Variants in NBAS observed in about 807,000 individuals in gnomAD.
The protein encoded by NBAS is NBAS subunit of NRZ tethering complex.
A neutral mutation model predicts 302.5 loss-of-function variants in NBAS; 219 were observed. The ratio of observed to expected loss-of-function variants is 0.72; its 90% CI spans 0.65 to 0.81. NBAS has a LOEUF of 0.81. NBAS is among the 30% of genes least tolerant of loss of function. NBAS has a pLI of 0.00. For missense variants in NBAS, 2,932 were observed against 2,841.6 expected (o/e 1.03, Z -0.72); for synonymous variants, 1,118 against 1,021.6 (o/e 1.09, Z -1.80).
At chr2:15,308,403 A>C in intron 39 of NBAS, 50 bp from the exon 40 acceptor site, 1 of 1,593,442 alleles carries the variant, frequency 6.3e-7, no homozygotes. Context: ...AATTATGAAG[A>C]TCATTATAAA....
At chr2:15,193,350 G>C (rs1665455090) in intron 48 of NBAS, among the ~76,000 whole-genome samples, 1 of 152,110 alleles carries the variant, frequency 6.6e-6, no homozygotes, top group Non-Finnish European at 1.5e-5. Flanking sequence ...CAGCTCTTAA[G>C]AATGCAATTT....
chr2:15,424,263 T>C (rs941709690), intron 23 of NBAS, 52 bp downstream of exon 23: 1 of 1,605,024 alleles, frequency 6.2e-7, no homozygotes, highest in Admixed American at 1.7e-5. Flanking sequence ...ATCCTAAGGA[T>C]CCAAGGCAGT....
chr2:14,825,082 A>G, the NBAS span, among the ~76,000 whole-genome samples: 1 of 152,210 alleles, frequency 6.6e-6, no homozygotes, highest in Non-Finnish European at 1.5e-5. Context: ...TATATTTGGC[A>G]TCTGGAAAAG....
rs140462773 is a variant in NBAS, at chr2:15,451,994, C to T, written c.2339+9207G>A. Among the ~76,000 whole-genome samples the T allele has an allele frequency of 8.2e-3, 1,219 of 148,370 alleles. 15 individuals are homozygous for T. Among genetic ancestry groups the T allele is most frequent in the African/African-American group, 0.027 (1,107 of 40,262 alleles). On this transcript the variant is annotated intron_variant, in intron 21 of 51. Coordinates refer to ENST00000281513, the MANE Select transcript of NBAS (RefSeq NM_015909.4). ...AGTATATCATACCTTGAGAACATTA[C>T]GCTAAAAAAAAAAAAAAGTCAATAA...
At chr2:14,974,024 C>T in the NBAS span, among the ~76,000 whole-genome samples, 1 of 152,208 alleles carries the variant, frequency 6.6e-6, no homozygotes, top group Non-Finnish European at 1.5e-5. Flanking sequence ...AAGAATATTT[C>T]TCAGATTCCT....
chr2:15,394,659 C>T (rs1006504203), intron 27 of NBAS, among the ~76,000 whole-genome samples: 1 of 152,064 alleles, frequency 6.6e-6, no homozygotes, highest in Admixed American at 6.5e-5. Context: ...TAAGCCAAAT[C>T]TATACTTTCA....
At chr2:15,260,132 T>G (rs1161903162) in intron 44 of NBAS, among the ~76,000 whole-genome samples, 3 of 152,260 alleles carry the variant, frequency 2.0e-5, no homozygotes, top group Non-Finnish European at 1.5e-5. Context: ...ATATTTAAAA[T>G]GTGCTGGAAA....
chr2:15,504,060 C>T (rs763525512), intron 11 of NBAS, 85 bp downstream of exon 11: 57 of 1,052,098 alleles, frequency 5.4e-5, no homozygotes, highest in African/African-American at 4.7e-4. Context: ...ACAAAAAATT[C>T]GAGGTTCATT....
intron 29 of NBAS, among the ~76,000 whole-genome samples, chr2:15,380,239 T>A (rs1231178950): frequency 6.6e-6 from 1 of 152,208 alleles, no homozygotes; most frequent in Non-Finnish European, 1.5e-5. Flanking sequence ...TTTTTCTTTT[T>A]CCTAATTTTA....
chr2:15,352,409 C>T (rs191128957), intron 34 of NBAS, among the ~76,000 whole-genome samples: 58 of 152,106 alleles, frequency 3.8e-4, no homozygotes, highest in Non-Finnish European at 6.6e-4. Flanking sequence ...AAAAAGAGAC[C>T]GAGGCGAGTT....
chr2:14,894,352 G>A, the NBAS span, among the ~76,000 whole-genome samples: 1 of 152,040 alleles, frequency 6.6e-6, no homozygotes. Flanking sequence ...AGTACAGGGG[G>A]GCACCAAGAG....
At chr2:15,313,194 A>T (rs1420008862) in intron 38 of NBAS, among the ~76,000 whole-genome samples, 1 of 152,210 alleles carries the variant, frequency 6.6e-6, no homozygotes, top group Non-Finnish European at 1.5e-5. Context: ...CCTGTATGTC[A>T]ACCAAATCAG....
At chr2:14,924,239 T>C in the NBAS span, among the ~76,000 whole-genome samples, 14,030 of 152,242 alleles carry the variant, frequency 0.092, 678 homozygotes, top group East Asian at 0.15. Flanking sequence ...TTTCAGAAAA[T>C]GCTCAATGCA....
chr2:15,003,275 G>C, the NBAS span, among the ~76,000 whole-genome samples: 25 of 152,326 alleles, frequency 1.6e-4, no homozygotes, highest in African/African-American at 5.1e-4. Context: ...TACTCCATGT[G>C]TTTTGAATGA....
rs568398951 is a variant in NBAS, at chr2:15,548,014, T to C, written c.379+3479A>G. On this transcript the variant is annotated intron_variant, in intron 6 of 51. Coordinates refer to ENST00000281513, the MANE Select transcript of NBAS (RefSeq NM_015909.4). The stretch of plus-strand genomic sequence containing the variant: ...TAAGGAATAAAAAATATTAATGCCA[T>C]GACAGTTTTCCACAAATTTATACAT... Among the ~76,000 whole-genome samples the C allele has an allele frequency of 5.8e-3, 885 of 152,330 alleles. 1 individual carries two copies. The highest frequency in any genetic ancestry group is 8.3e-3 in the Non-Finnish European group (566 of 68,040).
the NBAS span, among the ~76,000 whole-genome samples, chr2:14,932,844 C>A: frequency 6.6e-6 from 1 of 152,178 alleles, no homozygotes; most frequent in South Asian, 2.1e-4. Context: ...AGCCTCCTTA[C>A]AATAGCTGCT....
intron 44 of NBAS, among the ~76,000 whole-genome samples, chr2:15,263,151 C>G (rs1483430139): frequency 6.6e-6 from 1 of 152,150 alleles, no homozygotes; most frequent in Non-Finnish European, 1.5e-5. Context: ...ATATATGTAT[C>G]TTTTCTTGAG....
At chr2:14,948,047 A>G in the NBAS span, among the ~76,000 whole-genome samples, 110 of 152,058 alleles carry the variant, frequency 7.2e-4, no homozygotes, top group African/African-American at 2.6e-3. Flanking sequence ...GATGGAATAT[A>G]TGGTTTGATG....
intron 51 of NBAS, chr2:15,177,984 C>T: frequency 6.2e-6 from 2 of 320,502 alleles, no homozygotes; most frequent in South Asian, 2.8e-5. Context: ...TGATTATTTC[C>T]AAATACAATT....
Sources: allele counts gnomAD v4.1 joint callset (sites outside exome capture counted in the v4.1 genomes callset), GRCh38; gene constraint gnomAD v4.1.1; transcripts MANE v1.5; gene names NCBI Gene and HGNC (gene_info 2026-07-23, HGNC 2026-07-21).